ROBO2: variants seen among roughly 807,000 people sequenced by gnomAD.
ROBO2 encodes roundabout guidance receptor 2, also known as roundabout homolog 2.
In ROBO2, 53 loss-of-function variants were observed where a neutral mutation model predicts 160.8. The observed-to-expected ratio is 0.33, with a 90% CI of 0.26 to 0.41. The LOEUF (loss-of-function observed/expected upper bound fraction) is 0.41, where lower values mean the gene tolerates loss of function less well. Ranked by LOEUF, ROBO2 falls within the 10% of genes least tolerant of loss-of-function variation. ROBO2 has a pLI of 1.00. For missense variants in ROBO2, 1,577 were observed against 1,722.4 expected (o/e 0.92, Z 1.49); for synonymous variants, 664 against 611.7 (o/e 1.09, Z -1.26).
intron 2 of ROBO2, among the ~76,000 whole-genome samples, chr3:76,248,357 T>A (rs1433793573): frequency 1.3e-5 from 2 of 151,680 alleles, no homozygotes; most frequent in African/African-American, 4.9e-5. Flanking sequence ...TGGATGAAAT[T>A]GGAAATCATC....
chr3:77,506,924 G>C (rs1394949860), intron 5 of ROBO2, among the ~76,000 whole-genome samples: 3 of 152,022 alleles, frequency 2.0e-5, no homozygotes, highest in Non-Finnish European at 4.4e-5. Flanking sequence ...GTTTGATATA[G>C]GCATGTCATC....
At chr3:76,307,377 T>C (rs2107764909) in intron 2 of ROBO2, among the ~76,000 whole-genome samples, 1 of 152,350 alleles carries the variant, frequency 6.6e-6, no homozygotes, top group Non-Finnish European at 1.5e-5. Context: ...GCAGTCTTCC[T>C]AACCATTCTT....
chr3:77,200,260 A>G (rs1465994736), intron 2 of ROBO2, among the ~76,000 whole-genome samples: 3 of 104,456 alleles, frequency 2.9e-5, no homozygotes, highest in Non-Finnish European at 5.8e-5. Flanking sequence ...ATCCTAACTA[A>G]CATATTTTAT....
intron 2 of ROBO2, among the ~76,000 whole-genome samples, chr3:77,180,089 A>C (rs919234996): frequency 2.0e-5 from 3 of 151,996 alleles, no homozygotes. Context: ...AGCCACAGAC[A>C]TTCTTCCCCC....
intron 2 of ROBO2, among the ~76,000 whole-genome samples, chr3:75,944,677 A>T (rs1948203090): frequency 6.6e-6 from 1 of 152,198 alleles, no homozygotes; most frequent in Non-Finnish European, 1.5e-5. Flanking sequence ...TAAGATTTAC[A>T]GGTTGTTATA....
intron 2 of ROBO2, among the ~76,000 whole-genome samples, chr3:76,510,029 T>G (rs1247586690): frequency 6.6e-6 from 1 of 152,052 alleles, no homozygotes; most frequent in Admixed American, 6.5e-5. Context: ...CATGCCCAGA[T>G]TCCCTAAACA....
At chr3:76,712,165 A>G (rs542377223) in intron 2 of ROBO2, among the ~76,000 whole-genome samples, 2 of 152,344 alleles carry the variant, frequency 1.3e-5, no homozygotes, top group East Asian at 3.9e-4. Flanking sequence ...TTTTAAAATT[A>G]GGTTTATATA....
chr3:76,872,157 T>C (rs958025327), intron 2 of ROBO2, among the ~76,000 whole-genome samples: 5 of 152,202 alleles, frequency 3.3e-5, no homozygotes, highest in African/African-American at 1.2e-4. Context: ...TAATTATCAG[T>C]TGAACAATAA....
At chr3:76,044,640 C>T (rs994949966) in intron 2 of ROBO2, among the ~76,000 whole-genome samples, 4 of 151,786 alleles carry the variant, frequency 2.6e-5, no homozygotes, top group African/African-American at 9.7e-5. Context: ...TAAACAGTGA[C>T]CAAAAATGAC....
intron 1 of ROBO2, among the ~76,000 whole-genome samples, chr3:75,927,886 T>C (rs908056842): frequency 1.8e-4 from 28 of 151,948 alleles, no homozygotes; most frequent in African/African-American, 6.5e-4. Flanking sequence ...ATAGAAAAAG[T>C]GTGATAACTG....
At chr3:76,102,760 A>T (rs2069750647) in intron 2 of ROBO2, among the ~76,000 whole-genome samples, 1 of 152,192 alleles carries the variant, frequency 6.6e-6, no homozygotes, top group Non-Finnish European at 1.5e-5. Context: ...GAGTGTAGAC[A>T]AATCTCTACA....
intron 2 of ROBO2, among the ~76,000 whole-genome samples, chr3:77,385,198 T>A (rs2073973802): frequency 6.6e-6 from 1 of 152,048 alleles, no homozygotes; most frequent in South Asian, 2.1e-4. Context: ...CCTGGCTAAT[T>A]GTTTATATTT....
intron 2 of ROBO2, among the ~76,000 whole-genome samples, chr3:75,954,989 T>C (rs148057181): frequency 2.6e-5 from 4 of 151,952 alleles, no homozygotes; most frequent in Non-Finnish European, 5.9e-5. Context: ...TAAAGAAGCA[T>C]AGAACAAGCG....
At chr3:76,842,051 C>A (rs1454428329) in intron 2 of ROBO2, among the ~76,000 whole-genome samples, 1 of 152,154 alleles carries the variant, frequency 6.6e-6, no homozygotes, top group Non-Finnish European at 1.5e-5. Flanking sequence ...TTGGAACATT[C>A]CACTAGAAAT....
chr3:76,151,663 TGTTCTCTGTTGTAAATAAATTCA>T (rs1175842136), intron 2 of ROBO2, among the ~76,000 whole-genome samples: 2 of 152,156 alleles, frequency 1.3e-5, no homozygotes, highest in African/African-American at 2.4e-5. Context: ...GTGAGCCTTC[TGTTCTCTGTTGTAAATAAATTCA>T]GTTCCATAGC....
intron 1 of ROBO2, among the ~76,000 whole-genome samples, chr3:77,069,603 G>C (rs1021678009): frequency 6.6e-6 from 1 of 152,172 alleles, no homozygotes; most frequent in Non-Finnish European, 1.5e-5. Context: ...ACATTTTGTT[G>C]ACACATCTGG....
chr3:76,527,689 G>C (rs1236141815), intron 2 of ROBO2, among the ~76,000 whole-genome samples: 2 of 151,978 alleles, frequency 1.3e-5, no homozygotes, highest in Non-Finnish European at 2.9e-5. Flanking sequence ...TCAAGAATTT[G>C]GGGAGGAGAT....
chr3:75,922,516 T>A (rs1164600829), intron 1 of ROBO2, among the ~76,000 whole-genome samples: 1 of 152,086 alleles, frequency 6.6e-6, no homozygotes, highest in Non-Finnish European at 1.5e-5. Context: ...ATATGAGTAG[T>A]TCCAACAAAT....
chr3:77,054,560 A>G (rs1172557046), intron 1 of ROBO2, among the ~76,000 whole-genome samples: 2 of 152,152 alleles, frequency 1.3e-5, no homozygotes, highest in Non-Finnish European at 2.9e-5. Context: ...GCTAGGTCTG[A>G]TGATAAAGAC....
Sources: allele counts gnomAD v4.1 joint callset (sites outside exome capture counted in the v4.1 genomes callset), GRCh38; gene constraint gnomAD v4.1.1; transcripts MANE v1.5; gene names NCBI Gene and HGNC (gene_info 2026-07-23, HGNC 2026-07-21).